Variants in USP33 observed in about 807,000 individuals in gnomAD.
The protein encoded by USP33 is ubiquitin carboxyl-terminal hydrolase 33.
Under a neutral mutation model 124.2 loss-of-function variants are expected in USP33, and 46 were observed. The observed-to-expected ratio is 0.37, with a 90% confidence interval of 0.29 to 0.47. USP33 has a LOEUF of 0.47. Ranked by LOEUF, USP33 falls within the 20% of genes least tolerant of loss-of-function variation. USP33 has a pLI of 0.99. For missense variants in USP33, 851 were observed against 1,070.6 expected (o/e 0.79, Z 2.86); for synonymous variants, 350 against 352.3 (o/e 0.99, Z 0.07).
chr1:77,711,497 A>G lies in USP33; in HGVS notation c.2406+250T>C, dbSNP rs1303372607. The G allele has an allele frequency of 1.1e-5, 4 of 378,094 alleles. No individual in the cohort carries two copies. The Admixed American group carries it at 2.2e-4, about 20-fold the overall frequency. The allele number at this position is 378,094 out of a possible 1,614,324, so 23.4% of individuals were successfully genotyped here. On this transcript the variant is annotated intron_variant, in intron 21 of 23. Coordinates refer to ENST00000370794, the MANE Select transcript of USP33 (RefSeq NM_201624.3). ...AGCCGAGATTGCACCACTGCACTCC[A>G]GCCTGGGCGACAGAGCAAGATTTTG...
rs765274017 is a variant in USP33 at position 77,759,792 on chromosome 1, G to A, written c.-201C>T. On this transcript the variant is annotated 5_prime_UTR_variant, in exon 1 of 24. Transcript: ENST00000370794. Reference sequence around the variant, plus strand: ...AAACGGCCCCGCAGCGCTGCCCTCGGGGGGTCCGCCTCCTGAACTGGCCAC... The same window carrying A: ...AAACGGCCCCGCAGCGCTGCCCTCGAGGGGTCCGCCTCCTGAACTGGCCAC... The A allele has an allele frequency of 1.0e-3, 412 of 397,748 alleles. 1 individual carries two copies. The highest frequency in any genetic ancestry group is 1.5e-3 in the Non-Finnish European group (334 of 225,478). The allele number at this position is 397,748 out of a possible 1,614,324, so 24.6% of individuals were successfully genotyped here. A position where few individuals can be genotyped will look rare whatever the true frequency, so the allele number is the denominator to read the frequency against.
In USP33 at chr1:77,697,468, T is replaced by G. The variant is rs1673528538; in HGVS notation, c.2585A>C (p.Asp862Ala). 2 of 1,594,564 alleles carry G rather than the reference T, an allele frequency of 1.3e-6. No individual in the cohort carries two copies. Among genetic ancestry groups the G allele is most frequent in the Middle Eastern group, 1.7e-4 (1 of 5,946 alleles). The change falls in exon 24 of 24, where the codon GAT becomes GCT. Residue 862 changes from aspartate to alanine, a missense_variant. Asp to Ala is a moderately radical substitution (Grantham distance 126, BLOSUM62 -2). This residue lies in a region of USP33 where 142 missense variants were observed against 141.8 expected (regional missense o/e 1.00). Transcript: ENST00000370794. ...CGNVMLRQGA[D>A]SGQISEETWN... ...TGTTTCTTCAGAAATCTGGCCAGAA[T>G]CTGCTCCTTAAAATTACGTAGAAGA...
At position 77,722,047 on chromosome 1, in the gene USP33, A is replaced by G; in HGVS notation, c.1539T>C (p.Ala513=). ...ACCTCTTCACATATTCCATGAAAAA[A>G]GCTATCCACCCTTGTGGAGCATATG... The part of the protein sequence containing the change: ...GEAYAPQGWI[A]FFMEYVKRFV... The change falls in exon 13 of 24, where the codon GCT becomes GCC. Residue 513 remains alanine, a synonymous_variant. Coordinates refer to ENST00000370794, the MANE Select transcript of USP33 (RefSeq NM_201624.3). 6.2e-7 allele frequency: 1 copy of G among 1,612,868 alleles called. No homozygotes were observed. Among genetic ancestry groups the G allele is most frequent in the African/African-American group, 1.3e-5 (1 of 75,002 alleles).
chr1:77,697,198 T>C lies in USP33; in HGVS notation c.*119A>G. 3.1e-6 allele frequency: 3 copies of C among 958,244 alleles called. No homozygotes were observed. The highest frequency in any genetic ancestry group is 1.5e-6 in the Non-Finnish European group (1 of 662,462). The allele number at this position is 958,244 out of a possible 1,614,324, so 59.4% of individuals were successfully genotyped here. A position where few individuals can be genotyped will look rare whatever the true frequency, so the allele number is the denominator to read the frequency against. ...ATAATGCCCACTAAGAAGAAATAAA[T>C]GGGATAAATGATGAAAAAAAATAAA... On this transcript the variant is annotated 3_prime_UTR_variant, in exon 24 of 24. Coordinates refer to ENST00000370794, the MANE Select transcript of USP33 (RefSeq NM_201624.3).
At position 77,701,452 on chromosome 1, in the gene USP33, T is replaced by C. The variant is rs868787526; in HGVS notation, c.2426A>G (p.Lys809Arg). 8 of 1,612,636 alleles carry C rather than the reference T, an allele frequency of 5.0e-6. No individual in the cohort carries two copies. In the African/African-American group the frequency reaches 9.4e-5, roughly 19 times the overall value. ...ATAAAAAGTAGCTGGAGAGTCCTCTTTTTGGAACGCTCTGTTAAGCTACAA... is the reference window on the plus strand; with the variant it reads ...ATAAAAAGTAGCTGGAGAGTCCTCTCTTTGGAACGCTCTGTTAAGCTACAA... ...IFIRLNRAFQ[K>R]EDSPATFYCI... The change falls in exon 22 of 24, where the codon AAA becomes AGA. Residue 809 changes from lysine (K) to arginine (R), a missense_variant. By Grantham distance (26) the Lys-to-Arg change is conservative. Coordinates refer to ENST00000370794, the MANE Select transcript of USP33 (RefSeq NM_201624.3).
intron 3 of USP33, 58 bp from the exon 4 acceptor site, chr1:77,740,997 A>C (rs2274123): frequency 0.23 from 270,824 of 1,160,684 alleles, 32,800 homozygotes; most frequent in South Asian, 0.36. Flanking sequence ...ATGTAAATTT[A>C]TAACAGCATT....
chr1:77,719,658 G>T (rs1214211180), intron 15 of USP33, among the ~76,000 whole-genome samples: 1 of 151,976 alleles, frequency 6.6e-6, no homozygotes, highest in African/African-American at 2.4e-5. Context: ...TTTAAGACCA[G>T]CCTGACCAAT....
At chr1:77,698,672 T>C (rs1175416439) in intron 22 of USP33, among the ~76,000 whole-genome samples, 1 of 151,734 alleles carries the variant, frequency 6.6e-6, no homozygotes, top group African/African-American at 2.4e-5. Context: ...AGCTAATTTT[T>C]TGTATTTTTA....
In USP33 at chr1:77,733,439, C is replaced by G. The variant is rs573760703; in HGVS notation, c.524+908G>C. Among the ~76,000 whole-genome samples, 4 of 151,466 alleles carry G rather than the reference C, an allele frequency of 2.6e-5. No homozygotes were observed. In the East Asian group the frequency reaches 7.8e-4, roughly 29 times the overall value. On this transcript the variant is annotated intron_variant, in intron 7 of 23. Transcript: ENST00000370794. Reference sequence around the variant, plus strand: ...AGTCTCTTCTTCAAAGATGTGTTCTCTGATCACTTAATAAAAATTAGGTTA... The same window carrying G: ...AGTCTCTTCTTCAAAGATGTGTTCTGTGATCACTTAATAAAAATTAGGTTA...
At position 77,753,789 on chromosome 1, in the gene USP33, A is replaced by G. The variant is rs532667817; in HGVS notation, c.-52+5854T>C. Among the ~76,000 whole-genome samples, 12 of 150,410 alleles carry G rather than the reference A, an allele frequency of 8.0e-5. 1 individual carries two copies. In the South Asian group the frequency reaches 2.5e-3, roughly 31 times the overall value. ...TTCTAGAGTTTTGGAGAAGATTAATATATAATATTTTAAACTAATTATATA... is the reference window on the plus strand; with the variant it reads ...TTCTAGAGTTTTGGAGAAGATTAATGTATAATATTTTAAACTAATTATATA... On this transcript the variant is annotated intron_variant, in intron 1 of 23. Transcript: ENST00000370794.
intron 1 of USP33, among the ~76,000 whole-genome samples, chr1:77,755,782 T>G (rs1253002149): frequency 6.6e-6 from 1 of 152,228 alleles, no homozygotes; most frequent in Non-Finnish European, 1.5e-5. Flanking sequence ...TAGGTCACAT[T>G]CAGCCCTATA....
chr1:77,757,984 T>C (rs189789805), intron 1 of USP33, among the ~76,000 whole-genome samples: 151 of 152,188 alleles, frequency 9.9e-4, no homozygotes, highest in Non-Finnish European at 1.0e-3. Context: ...TTTACTACAA[T>C]CTAATGTCAT....
intron 18 of USP33, among the ~76,000 whole-genome samples, chr1:77,715,130 A>T (rs917060587): frequency 2.6e-5 from 4 of 152,164 alleles, no homozygotes; most frequent in African/African-American, 9.7e-5. Flanking sequence ...TAATACTTTC[A>T]TTATTAGCTA....
intron 1 of USP33, chr1:77,759,329 C>T: frequency 2.9e-6 from 1 of 349,294 alleles, no homozygotes. Flanking sequence ...GGAGCAGAGC[C>T]CCCGCTTCTC....
chr1:77,729,444 G>A (rs1399615362), intron 9 of USP33, among the ~76,000 whole-genome samples: 1 of 151,932 alleles, frequency 6.6e-6, no homozygotes, highest in Non-Finnish European at 1.5e-5. Context: ...GCCGAGGAGG[G>A]TGGATTACCT....
chr1:77,729,161 C>G (rs1677502521), intron 9 of USP33, among the ~76,000 whole-genome samples: 1 of 152,104 alleles, frequency 6.6e-6, no homozygotes, highest in Non-Finnish European at 1.5e-5. Context: ...CTACCTCGGC[C>G]TTCTGAAGTG....
chr1:77,714,089 A>G (rs191540726), intron 19 of USP33, among the ~76,000 whole-genome samples: 26 of 152,254 alleles, frequency 1.7e-4, no homozygotes, highest in African/African-American at 6.0e-4. Context: ...AACACAGCCA[A>G]TCTCACAAGG....
At chr1:77,756,280 T>C (rs1203518934) in intron 1 of USP33, among the ~76,000 whole-genome samples, 3 of 149,520 alleles carry the variant, frequency 2.0e-5, no homozygotes, top group Non-Finnish European at 4.5e-5. Flanking sequence ...AATTCGGCAT[T>C]TTTTTTTTTA....
intron 1 of USP33, among the ~76,000 whole-genome samples, chr1:77,749,137 T>C (rs971388397): frequency 2.6e-5 from 4 of 152,220 alleles, no homozygotes; most frequent in Non-Finnish European, 4.4e-5. Flanking sequence ...CAAGAAAATC[T>C]GCAAAAGATT....
Sources: allele counts gnomAD v4.1 joint callset (sites outside exome capture counted in the v4.1 genomes callset), GRCh38; gene constraint gnomAD v4.1.1; regional missense constraint gnomAD v4.1.1; transcripts MANE v1.5; gene names NCBI Gene and HGNC (gene_info 2026-07-23, HGNC 2026-07-21).